The following UNC13C variants were observed in gnomAD, a reference collection of about 807,000 sequenced individuals.
UNC13C encodes the protein protein unc-13 homolog C.
A neutral mutation model predicts 245.4 loss-of-function variants in UNC13C; 174 were observed. That is an observed-to-expected ratio of 0.71 (90% CI 0.63 to 0.80). UNC13C has a LOEUF of 0.80. UNC13C is among the 30% of genes least tolerant of loss of function. The probability of loss-of-function intolerance (pLI) is 0.00; values close to 1 mark genes in which losing one functional copy is unlikely to be tolerated. For missense variants in UNC13C, 2,829 were observed against 2,602.9 expected (o/e 1.09, Z -1.89); for synonymous variants, 992 against 895.1 (o/e 1.11, Z -1.93).
chr15:54,499,902 G>A (rs1567330371), intron 20 of UNC13C, among the ~76,000 whole-genome samples, 177 bp from the exon 21 acceptor site: 1 of 152,058 alleles, frequency 6.6e-6, no homozygotes, highest in Non-Finnish European at 1.5e-5. Flanking sequence ...GAGGTAAAGA[G>A]GAGGAGACTG....
the UNC13C span, among the ~76,000 whole-genome samples, chr15:53,950,109 C>T: frequency 6.6e-6 from 1 of 152,162 alleles, no homozygotes; most frequent in Non-Finnish European, 1.5e-5. Flanking sequence ...ACATTAACCC[C>T]AGTCAGGCAG....
At chr15:54,338,874 A>AT (rs1180830424) in intron 17 of UNC13C, among the ~76,000 whole-genome samples, 7 of 151,732 alleles carry the variant, frequency 4.6e-5, no homozygotes, top group African/African-American at 1.7e-4. Flanking sequence ...TATTTTATTT[A>AT]TTTGTTTTTT....
At chr15:54,286,250 T>A (rs2037146900) in intron 10 of UNC13C, among the ~76,000 whole-genome samples, 2 of 152,216 alleles carry the variant, frequency 1.3e-5, no homozygotes, top group Non-Finnish European at 2.9e-5. Flanking sequence ...TTACAGGATC[T>A]TTTTACAATT....
intron 2 of UNC13C, among the ~76,000 whole-genome samples, chr15:54,062,571 C>A (rs1801155673): frequency 1.3e-5 from 2 of 152,156 alleles, no homozygotes; most frequent in African/African-American, 2.4e-5. Context: ...GAGTGTATAA[C>A]TTCTACTTCA....
chr15:54,134,714 G>A (rs908710613), intron 2 of UNC13C, among the ~76,000 whole-genome samples: 1 of 151,952 alleles, frequency 6.6e-6, no homozygotes, highest in Non-Finnish European at 1.5e-5. Flanking sequence ...TAGTAGAGAC[G>A]GGGTTTCACC....
At chr15:54,552,182 A>C (rs1896765811) in intron 28 of UNC13C, among the ~76,000 whole-genome samples, 1 of 144,740 alleles carries the variant, frequency 6.9e-6, no homozygotes. Context: ...TTATTCAACA[A>C]TTTGACATTT....
chr15:54,414,366 G>A (rs748221763), intron 18 of UNC13C, among the ~76,000 whole-genome samples: 8 of 152,190 alleles, frequency 5.3e-5, no homozygotes, highest in Non-Finnish European at 1.0e-4. Flanking sequence ...GACGGAGTCG[G>A]CCAGGTATGG....
chr15:54,549,418 A>G (rs1212817973), intron 27 of UNC13C, among the ~76,000 whole-genome samples: 1 of 152,192 alleles, frequency 6.6e-6, no homozygotes, highest in Non-Finnish European at 1.5e-5. Flanking sequence ...CCTAAACTTA[A>G]GACTTTGAAA....
At chr15:54,615,573 G>A (rs554881287) in intron 30 of UNC13C, among the ~76,000 whole-genome samples, 4 of 152,164 alleles carry the variant, frequency 2.6e-5, no homozygotes, top group South Asian at 2.1e-4. Flanking sequence ...CTCTCTGCTC[G>A]ATAGTCATGT....
At chr15:54,352,258 C>G (rs2038999081) in intron 17 of UNC13C, among the ~76,000 whole-genome samples, 1 of 146,646 alleles carries the variant, frequency 6.8e-6, no homozygotes, top group Admixed American at 6.9e-5. Flanking sequence ...TGTGATTATA[C>G]AAATATATAA....
At chr15:54,410,206 C>T (rs185699364) in intron 18 of UNC13C, among the ~76,000 whole-genome samples, 1 of 152,084 alleles carries the variant, frequency 6.6e-6, no homozygotes. Flanking sequence ...GTTCTTTGTT[C>T]ATTTTTAATG....
At chr15:53,960,143 T>G in the UNC13C span, among the ~76,000 whole-genome samples, 2 of 152,170 alleles carry the variant, frequency 1.3e-5, no homozygotes, top group Non-Finnish European at 2.9e-5. Flanking sequence ...AAAGGTTTTT[T>G]GAATCTGACT....
At chr15:53,883,219 C>G in the UNC13C span, among the ~76,000 whole-genome samples, 6 of 152,216 alleles carry the variant, frequency 3.9e-5, no homozygotes, top group East Asian at 1.2e-3. Flanking sequence ...GCTTTAATAT[C>G]AGCCTCAGAA....
chr15:54,572,337 GA>G (rs897352278), intron 30 of UNC13C, among the ~76,000 whole-genome samples: 2 of 150,894 alleles, frequency 1.3e-5, no homozygotes, highest in Non-Finnish European at 1.5e-5. Context: ...TATTATCTGG[GA>G]AAAAAATTTG....
rs777356905 is a variant in UNC13C, at chr15:54,237,631, C to G, written c.3169C>G (p.Arg1057Gly). 2 of 1,612,024 alleles carry G rather than the reference C, an allele frequency of 1.2e-6. No homozygotes were observed. The highest frequency in any genetic ancestry group is 1.7e-6 in the Non-Finnish European group (2 of 1,179,170). ...CTGTTTGTTTTAGACCCTGGCTGCC[C>G]GGAAATCTGGACTCTCCCTGGCTAT... The part of the protein sequence containing the change: ...VRDVAMTLAA[R>G]KSGLSLAMVI... The change falls in exon 7 of 33, where the codon CGG becomes GGG. Residue 1057 changes from arginine (R) to glycine (G), a missense_variant. Transcript: ENST00000260323.
At chr15:54,066,681 A>G (rs552293103) in intron 2 of UNC13C, among the ~76,000 whole-genome samples, 41 of 152,266 alleles carry the variant, frequency 2.7e-4, no homozygotes, top group Admixed American at 6.5e-4. Flanking sequence ...GCAGTTCATG[A>G]AGTTTCTAGG....
At chr15:54,422,821 C>T (rs901314501) in intron 19 of UNC13C, among the ~76,000 whole-genome samples, 4 of 151,860 alleles carry the variant, frequency 2.6e-5, no homozygotes, top group Non-Finnish European at 4.4e-5. Flanking sequence ...ATATCTGAAT[C>T]ATATTATTTA....
rs193202038 is a variant in UNC13C at position 54,000,979 on chromosome 15, C to T, written c.-256-11669C>T. 1.2e-3 allele frequency among the ~76,000 whole-genome samples: 178 copies of T among 152,190 alleles called. 1 individual carries two copies. Among genetic ancestry groups the T allele is most frequent in the East Asian group, 1.9e-4 (1 of 5,180 alleles). On this transcript the variant is annotated intron_variant, in intron 1 of 32. Coordinates refer to ENST00000260323, the MANE Select transcript of UNC13C (RefSeq NM_001080534.3). ...TACAAAAAAATTTTTTTAGTTTGAACCTTACTCTTTCGTAATGTGTGATAA... is the reference window on the plus strand; with the variant it reads ...TACAAAAAAATTTTTTTAGTTTGAATCTTACTCTTTCGTAATGTGTGATAA...
chr15:54,112,076 C>CTG (rs896334843), intron 2 of UNC13C, among the ~76,000 whole-genome samples: 1 of 152,100 alleles, frequency 6.6e-6, no homozygotes, highest in Non-Finnish European at 1.5e-5. Context: ...GTTAGGGAAC[C>CTG]TGTGAAAATT....
Sources: gnomAD v4.1 joint callset for allele counts (sites outside exome capture counted in the v4.1 genomes callset) on GRCh38, gnomAD v4.1.1 for gene constraint, MANE v1.5 for transcripts, NCBI Gene and HGNC (gene_info 2026-07-23, HGNC 2026-07-21) for gene names.